The following INPP4B variants were observed in gnomAD, a reference collection of about 807,000 sequenced individuals.
INPP4B encodes the protein inositol polyphosphate-4-phosphatase type II B.
In INPP4B, 55 loss-of-function variants were observed where a neutral mutation model predicts 122.5. The observed-to-expected ratio is 0.45, with a 90% confidence interval of 0.36 to 0.56. The LOEUF (loss-of-function observed/expected upper bound fraction) is 0.56. Among genes scored for constraint, INPP4B ranks in the 20% least tolerant of loss-of-function variants. The pLI, the probability that INPP4B is intolerant of heterozygous loss-of-function variation, is 0.00. For missense variants in INPP4B, 1,000 were observed against 1,097.7 expected, an observed-to-expected ratio of 0.91 and a Z score of 1.26; for synonymous variants, 403 against 388.7, an observed-to-expected ratio of 1.04 and a Z score of -0.43.
chr4:142,152,138 A>G (rs1044161328), intron 17 of INPP4B, among the ~76,000 whole-genome samples: 1 of 133,554 alleles, frequency 7.5e-6, no homozygotes, highest in African/African-American at 2.8e-5. Flanking sequence ...CAGTGCCACA[A>G]TCTCGGCTCA....
chr4:142,761,818 C>A (rs1161487967), intron 1 of INPP4B, among the ~76,000 whole-genome samples: 1 of 152,152 alleles, frequency 6.6e-6, no homozygotes, highest in African/African-American at 2.4e-5. Flanking sequence ...AAATCAGTCA[C>A]ATTCAGACAC....
At position 142,066,796 on chromosome 4, in the gene INPP4B, G is replaced by C. The variant is rs568325679; in HGVS notation, c.2642+15235C>G. Among the ~76,000 whole-genome samples, 291 of 152,308 alleles carry C rather than the reference G, an allele frequency of 1.9e-3. 1 individual carries two copies. The highest frequency in any genetic ancestry group is 2.8e-3 in the Non-Finnish European group (191 of 68,040). On this transcript the variant is annotated intron_variant, in intron 25 of 25. Coordinates refer to ENST00000262992, the MANE Select transcript of INPP4B (RefSeq NM_001101669.3). ...AGGGAGGGGCATCTGCCATTGCCGAGGCTTCAGTAGGTAAACAAAGCAGCC... is the reference window on the plus strand; with the variant it reads ...AGGGAGGGGCATCTGCCATTGCCGACGCTTCAGTAGGTAAACAAAGCAGCC...
At chr4:142,134,183 A>C (rs1293793117) in intron 18 of INPP4B, among the ~76,000 whole-genome samples, 2 of 152,232 alleles carry the variant, frequency 1.3e-5, no homozygotes, top group East Asian at 3.8e-4. Flanking sequence ...ACCTTTAAAA[A>C]CGTGGCATCC....
At chr4:142,804,489 C>T (rs1330888569) in intron 1 of INPP4B, among the ~76,000 whole-genome samples, 1 of 152,146 alleles carries the variant, frequency 6.6e-6, no homozygotes, top group Non-Finnish European at 1.5e-5. Context: ...ACTTAAGTGT[C>T]CCCCTTACAG....
chr4:142,766,395 T>C (rs1772134778), intron 1 of INPP4B, among the ~76,000 whole-genome samples: 1 of 151,964 alleles, frequency 6.6e-6, no homozygotes, highest in African/African-American at 2.4e-5. Context: ...TTTTTTTTTC[T>C]GAGATGGAGT....
chr4:142,040,117 GGGAAGAAGAGGA>G (rs1157053882), intron 25 of INPP4B, among the ~76,000 whole-genome samples: 1 of 151,756 alleles, frequency 6.6e-6, no homozygotes, highest in Non-Finnish European at 1.5e-5. Flanking sequence ...GGAGAAGTGG[GGGAAGAAGAGGA>G]GGGAGGAAGG....
At chr4:142,113,086 A>AT (rs1422003990) in intron 21 of INPP4B, among the ~76,000 whole-genome samples, 2 of 151,952 alleles carry the variant, frequency 1.3e-5, no homozygotes, top group South Asian at 2.1e-4. Flanking sequence ...AATTTATATG[A>AT]TTTTTTGGTA....
chr4:142,772,313 G>A (rs1773202708), intron 1 of INPP4B, among the ~76,000 whole-genome samples: 1 of 152,122 alleles, frequency 6.6e-6, no homozygotes, highest in Non-Finnish European at 1.5e-5. Context: ...AGAGTGTGTG[G>A]AGGCGTGTGT....
chr4:142,624,659 A>G (rs7441741), intron 2 of INPP4B, among the ~76,000 whole-genome samples: 117,523 of 151,840 alleles, frequency 0.77, 46,212 homozygotes, highest in East Asian at 0.85. Context: ...TACCAAAGCC[A>G]GGCAAAGACA....
At chr4:142,330,316 G>C (rs1351617321) in intron 7 of INPP4B, among the ~76,000 whole-genome samples, 1 of 152,040 alleles carries the variant, frequency 6.6e-6, no homozygotes, top group African/African-American at 2.4e-5. Context: ...TTTCTATCTG[G>C]GTATAATTTT....
intron 23 of INPP4B, among the ~76,000 whole-genome samples, chr4:142,098,951 A>C (rs918603812): frequency 6.6e-6 from 1 of 152,130 alleles, no homozygotes; most frequent in Non-Finnish European, 1.5e-5. Context: ...AAAGATAATG[A>C]GGAATAGAGA....
intron 25 of INPP4B, among the ~76,000 whole-genome samples, chr4:142,077,919 C>G (rs1240067169): frequency 1.3e-5 from 2 of 151,150 alleles, no homozygotes; most frequent in Non-Finnish European, 3.0e-5. Flanking sequence ...ATGGTTCCCC[C>G]CTAGAAACTA....
intron 1 of INPP4B, among the ~76,000 whole-genome samples, chr4:142,757,244 T>A (rs1037656710): frequency 2.6e-5 from 4 of 152,086 alleles, no homozygotes; most frequent in African/African-American, 9.7e-5. Context: ...TCCAACCACA[T>A]CAAAGTGGTA....
intron 3 of INPP4B, among the ~76,000 whole-genome samples, chr4:142,461,962 A>G (rs1816830373): frequency 6.6e-6 from 1 of 152,138 alleles, no homozygotes; most frequent in Non-Finnish European, 1.5e-5. Flanking sequence ...TTAAGGACCT[A>G]TGGGGCTGGG....
intron 12 of INPP4B, among the ~76,000 whole-genome samples, chr4:142,217,104 T>C (rs1847609064): frequency 6.6e-6 from 1 of 152,142 alleles, no homozygotes; most frequent in African/African-American, 2.4e-5. Context: ...ACATTGGAAT[T>C]CTGTGTACAA....
At chr4:142,561,307 A>G (rs762650377) in intron 2 of INPP4B, among the ~76,000 whole-genome samples, 6 of 152,258 alleles carry the variant, frequency 3.9e-5, no homozygotes, top group Non-Finnish European at 8.8e-5. Flanking sequence ...ACTTTTGAGG[A>G]AGAAATTAAT....
chr4:142,036,781 C>T (rs1744244602), intron 25 of INPP4B, among the ~76,000 whole-genome samples: 1 of 152,116 alleles, frequency 6.6e-6, no homozygotes, highest in Non-Finnish European at 1.5e-5. Context: ...TTATATTCAG[C>T]TGGAATTTAA....
intron 16 of INPP4B, among the ~76,000 whole-genome samples, chr4:142,164,825 T>C: frequency 6.6e-6 from 1 of 151,712 alleles, no homozygotes; most frequent in East Asian, 1.9e-4. Flanking sequence ...CTCAAACTCC[T>C]GGCCTTAAGT....
At chr4:142,483,960 C>T (rs1355103564) in intron 2 of INPP4B, among the ~76,000 whole-genome samples, 3 of 151,936 alleles carry the variant, frequency 2.0e-5, no homozygotes, top group East Asian at 1.9e-4. Flanking sequence ...GACTGTTATG[C>T]ATCATGAGAG....
Sources: gnomAD v4.1 joint callset for allele counts (sites outside exome capture counted in the v4.1 genomes callset) on GRCh38, gnomAD v4.1.1 for gene constraint, MANE v1.5 for transcripts, NCBI Gene and HGNC (gene_info 2026-07-23, HGNC 2026-07-21) for gene names.